Variants in ATG5 observed in about 807,000 individuals in gnomAD.
ATG5 encodes autophagy protein 5.
Under a neutral mutation model 36.5 loss-of-function variants are expected in ATG5, and 14 were observed. The ratio of observed to expected loss-of-function variants is 0.38; its 90% CI spans 0.25 to 0.60. ATG5 has a LOEUF of 0.60. Among genes scored for constraint, ATG5 ranks in the 20% least tolerant of loss-of-function variants. ATG5 has a pLI of 0.60. For synonymous variants in ATG5, 95 were observed against 101.5 expected (o/e 0.94, Z 0.38); for missense variants, 195 against 326.7 (o/e 0.60, Z 3.11).
chr6:106,252,188 A>G (rs1778620794), intron 5 of ATG5, among the ~76,000 whole-genome samples: 1 of 152,202 alleles, frequency 6.6e-6, no homozygotes, highest in Non-Finnish European at 1.5e-5. Context: ...GCAGTCACTT[A>G]GCTTATTCAC....
At position 106,185,183 on chromosome 6, in the gene ATG5, T is replaced by C. The variant is rs1775721264; in HGVS notation, c.*1357A>G. ...GAAATGTGCTATTAATCAGTGAAAA[T>C]CGCAAAAGGAAAAAGAAAAGGAAGC... On this transcript the variant is annotated 3_prime_UTR_variant, in exon 8 of 8. Transcript: ENST00000369076. 2 of 152,662 alleles carry C rather than the reference T, an allele frequency of 1.3e-5. No individual in the cohort carries two copies. The highest frequency in any genetic ancestry group is 4.8e-5 in the African/African-American group (2 of 41,424). 9.5% of individuals were successfully genotyped at this position (152,662 alleles called of 1,614,324 possible). A position where few individuals can be genotyped will look rare whatever the true frequency, so the allele number is the denominator to read the frequency against.
intron 6 of ATG5, among the ~76,000 whole-genome samples, chr6:106,247,725 T>C (rs190899085): frequency 6.6e-6 from 1 of 152,258 alleles, no homozygotes; most frequent in Admixed American, 6.5e-5. Flanking sequence ...AGCACAAAAA[T>C]GTAAAAGCAT....
chr6:106,186,375 C>T lies in ATG5; in HGVS notation c.*165G>A. On this transcript the variant is annotated 3_prime_UTR_variant, in exon 8 of 8. Transcript: ENST00000369076. ...AAGCAGAGGTGATGCAAAGTAAGAC[C>T]AGCCCAGTTGCCTTATCTGACATGG... 1.4e-6 allele frequency: 1 copy of T among 722,430 alleles called. No homozygotes were observed. The highest frequency in any genetic ancestry group is 2.0e-5 in the South Asian group (1 of 50,180). The allele number at this position is 722,430 out of a possible 1,614,324, so 44.8% of individuals were successfully genotyped here. A position where few individuals can be genotyped will look rare whatever the true frequency, so the allele number is the denominator to read the frequency against.
intron 7 of ATG5, among the ~76,000 whole-genome samples, chr6:106,197,082 T>C (rs147687871): frequency 2.8e-4 from 42 of 152,304 alleles, no homozygotes; most frequent in African/African-American, 8.9e-4. Context: ...AGGGGACAGA[T>C]CATTACAGAA....
At chr6:106,256,892 T>C (rs1355750925) in intron 5 of ATG5, among the ~76,000 whole-genome samples, 2 of 152,202 alleles carry the variant, frequency 1.3e-5, no homozygotes, top group African/African-American at 4.8e-5. Flanking sequence ...ATTTAAAAAT[T>C]AACTTAAGCT....
intron 6 of ATG5, among the ~76,000 whole-genome samples, chr6:106,245,598 G>A (rs1192881656): frequency 6.6e-6 from 1 of 152,054 alleles, no homozygotes; most frequent in African/African-American, 2.4e-5. Context: ...AGATAAGATG[G>A]GCCTCACTCA....
chr6:106,205,370 A>G (rs1371347624), intron 6 of ATG5, among the ~76,000 whole-genome samples: 5 of 152,248 alleles, frequency 3.3e-5, no homozygotes, highest in Non-Finnish European at 7.3e-5. Context: ...TATCCTAATT[A>G]GTGTATGAAA....
chr6:106,317,516 T>C (rs147675962), intron 1 of ATG5, among the ~76,000 whole-genome samples: 1 of 152,332 alleles, frequency 6.6e-6, no homozygotes, highest in African/African-American at 2.4e-5. Flanking sequence ...GTACGTAAAC[T>C]GCAAGAGGTG....
intron 6 of ATG5, among the ~76,000 whole-genome samples, chr6:106,244,364 T>C (rs540990998): frequency 8.7e-4 from 133 of 152,308 alleles, no homozygotes; most frequent in Non-Finnish European, 4.4e-4. Context: ...CTTTACAGGA[T>C]ACAGAGAAAA....
At chr6:106,264,012 A>G (rs140178532) in intron 5 of ATG5, among the ~76,000 whole-genome samples, 13,024 of 152,214 alleles carry the variant, frequency 0.086, 576 homozygotes, top group South Asian at 0.13. Flanking sequence ...TTGACAGAAG[A>G]AGGCTTCAGA....
At chr6:106,216,649 T>C (rs1777050258) in intron 6 of ATG5, among the ~76,000 whole-genome samples, 2 of 152,176 alleles carry the variant, frequency 1.3e-5, no homozygotes, top group Admixed American at 1.3e-4. Context: ...TTCTGAAATT[T>C]TATCACGGGA....
intron 4 of ATG5, among the ~76,000 whole-genome samples, chr6:106,290,512 G>A (rs944973546): frequency 2.0e-5 from 3 of 151,450 alleles, no homozygotes; most frequent in African/African-American, 7.3e-5. Context: ...GTAGAGATGG[G>A]GTCTACGTTG....
chr6:106,294,842 C>G (rs1490137804), intron 3 of ATG5, among the ~76,000 whole-genome samples: 1 of 96,448 alleles, frequency 1.0e-5, no homozygotes, highest in Non-Finnish European at 2.1e-5. Flanking sequence ...GACCTTTTCT[C>G]AAGAAAAAAA....
intron 3 of ATG5, 139 bp from the exon 4 acceptor site, chr6:106,293,245 G>C (rs1194622266): frequency 2.9e-6 from 2 of 695,372 alleles, no homozygotes; most frequent in Non-Finnish European, 4.9e-6. Context: ...ACATTCTACA[G>C]TTACGTGCCT....
chr6:106,275,778 C>G (rs1184682272), intron 5 of ATG5, among the ~76,000 whole-genome samples: 1 of 152,082 alleles, frequency 6.6e-6, no homozygotes, highest in Non-Finnish European at 1.5e-5. Flanking sequence ...GACTTCAGGT[C>G]AAAGATAAAC....
chr6:106,292,886 G>A (rs2114630277), intron 4 of ATG5, 142 bp downstream of exon 4: 1 of 638,460 alleles, frequency 1.6e-6, no homozygotes, highest in South Asian at 2.3e-5. Flanking sequence ...GTATCTTATA[G>A]ACAAATACTA....
intron 5 of ATG5, among the ~76,000 whole-genome samples, chr6:106,253,034 C>A (rs2114528608): frequency 6.6e-6 from 1 of 152,324 alleles, no homozygotes; most frequent in Admixed American, 6.5e-5. Context: ...TTGTTTTAAT[C>A]AGAGGCTTTC....
In ATG5 at chr6:106,202,040, G is replaced by A; in HGVS notation, c.623C>T (p.Ala208Val). ...FIQKLFRPVA[A>V]DGQLHTLGDL... ...TCCTAGTGTGTGCAACTGTCCATCT[G>A]CAGCCACAGGACGAAACAGCTTCTG... The change falls in exon 7 of 8, where the codon GCA (alanine) becomes GTA (valine). Residue 208 changes from alanine (A) to valine (V), a missense_variant. Transcript: ENST00000369076. The A allele has an allele frequency of 6.2e-7, 1 of 1,613,968 alleles. No homozygotes were observed. Among genetic ancestry groups the A allele is most frequent in the Non-Finnish European group, 8.5e-7 (1 of 1,179,904 alleles).
chr6:106,244,482 C>T (rs184433094), intron 6 of ATG5, among the ~76,000 whole-genome samples: 106 of 152,314 alleles, frequency 7.0e-4, no homozygotes, highest in Middle Eastern at 3.4e-3. Flanking sequence ...CTACAAAGCT[C>T]TTCTCATGAC....
Sources: gnomAD v4.1 joint callset for allele counts (sites outside exome capture counted in the v4.1 genomes callset) on GRCh38, gnomAD v4.1.1 for gene constraint, MANE v1.5 for transcripts, NCBI Gene and HGNC (gene_info 2026-07-23, HGNC 2026-07-21) for gene names.